Variants in PAX5 observed in about 807,000 individuals in gnomAD.
The protein encoded by PAX5 is paired box 5, also known as paired box protein Pax-5.
A neutral mutation model predicts 43.7 loss-of-function variants in PAX5; 9 were observed. The observed-to-expected ratio is 0.21, with a 90% CI of 0.12 to 0.36. The LOEUF (loss-of-function observed/expected upper bound fraction) is 0.36, where lower values mean the gene tolerates loss of function less well. PAX5 is among the 10% of genes least tolerant of loss of function. The pLI is 1.00. For missense variants in PAX5, 383 were observed against 532.7 expected, an observed-to-expected ratio of 0.72 and a Z score of 2.77; for synonymous variants, 228 against 214.3, an observed-to-expected ratio of 1.06 and a Z score of -0.56.
chr9:37,029,178 A>T (rs745309645), intron 1 of PAX5, among the ~76,000 whole-genome samples: 3 of 152,156 alleles, frequency 2.0e-5, no homozygotes, highest in Non-Finnish European at 2.9e-5. Flanking sequence ...GCTTGTAAGG[A>T]AGAGTACAGG....
intron 8 of PAX5, among the ~76,000 whole-genome samples, chr9:36,863,940 C>G (rs2131665517): frequency 6.6e-6 from 1 of 152,310 alleles, no homozygotes. Context: ...GAAACCCCGT[C>G]TCTACTAAAA....
chr9:37,018,780 A>T (rs368530655), intron 2 of PAX5, among the ~76,000 whole-genome samples: 2 of 152,186 alleles, frequency 1.3e-5, no homozygotes, highest in East Asian at 3.9e-4. Flanking sequence ...GCGGCGCGTA[A>T]CTTCCGAGTG....
intron 8 of PAX5, 145 bp downstream of exon 8, chr9:36,881,859 C>A: frequency 1.5e-6 from 1 of 681,188 alleles, no homozygotes; most frequent in Non-Finnish European, 2.6e-6. Flanking sequence ...GCAGGCCCAG[C>A]TGCAGAGAGT....
chr9:36,898,850 C>T (rs1828115095), intron 7 of PAX5, among the ~76,000 whole-genome samples: 1 of 152,092 alleles, frequency 6.6e-6, no homozygotes, highest in African/African-American at 2.4e-5. Flanking sequence ...CAGCCTCTCC[C>T]ACTAACACCC....
chr9:37,029,213 T>G (rs1840721118), intron 1 of PAX5, among the ~76,000 whole-genome samples: 2 of 152,204 alleles, frequency 1.3e-5, no homozygotes, highest in African/African-American at 4.8e-5. Context: ...ATTCCTGGGT[T>G]ATCCTCTTGT....
At chr9:37,021,339 C>T (rs1053674727) in intron 1 of PAX5, among the ~76,000 whole-genome samples, 1 of 152,080 alleles carries the variant, frequency 6.6e-6, no homozygotes, top group African/African-American at 2.4e-5. Context: ...TTTAACAGCA[C>T]CTGCAGAGTA....
intron 1 of PAX5, among the ~76,000 whole-genome samples, chr9:37,033,032 C>T (rs1175671451): frequency 1.3e-5 from 2 of 152,232 alleles, no homozygotes; most frequent in Admixed American, 6.5e-5. Context: ...CAAATACACA[C>T]GCCAGTGTCA....
chr9:37,020,158 G>T (rs899735231), intron 2 of PAX5, among the ~76,000 whole-genome samples: 2 of 151,572 alleles, frequency 1.3e-5, no homozygotes, highest in Admixed American at 6.6e-5. Context: ...CACTGCGATG[G>T]AAATAAAAAC....
intron 7 of PAX5, among the ~76,000 whole-genome samples, chr9:36,906,567 T>C (rs979616107): frequency 6.6e-6 from 1 of 152,182 alleles, no homozygotes; most frequent in Non-Finnish European, 1.5e-5. Context: ...CAATAATACA[T>C]TTGCATTGTT....
At chr9:36,992,996 G>A (rs902091946) in intron 5 of PAX5, among the ~76,000 whole-genome samples, 2 of 152,242 alleles carry the variant, frequency 1.3e-5, no homozygotes, top group African/African-American at 4.8e-5. Flanking sequence ...GTATACATGT[G>A]CCATAGTGGT....
At chr9:36,954,311 A>G (rs1833264719) in intron 6 of PAX5, among the ~76,000 whole-genome samples, 2 of 152,160 alleles carry the variant, frequency 1.3e-5, no homozygotes, top group Middle Eastern at 3.2e-3. Context: ...GTTCAGCTTT[A>G]CTTCTTATTG....
chr9:36,880,503 G>A (rs1298834334), intron 8 of PAX5, among the ~76,000 whole-genome samples: 1 of 152,256 alleles, frequency 6.6e-6, no homozygotes, highest in East Asian at 1.9e-4. Context: ...GGCTTCAGCA[G>A]GGCTAAAGTG....
chr9:36,867,978 C>T (rs1825063384), intron 8 of PAX5, among the ~76,000 whole-genome samples: 1 of 152,180 alleles, frequency 6.6e-6, no homozygotes, highest in African/African-American at 2.4e-5. Flanking sequence ...CCTGTCACCC[C>T]GCGTTCCCGG....
chr9:37,019,740 A>G (rs1233539597), intron 2 of PAX5, among the ~76,000 whole-genome samples: 2 of 152,204 alleles, frequency 1.3e-5, no homozygotes, highest in African/African-American at 4.8e-5. Flanking sequence ...TAAACCCAAG[A>G]AAGCTCCTGC....
At chr9:36,868,117 C>T (rs562964657) in intron 8 of PAX5, among the ~76,000 whole-genome samples, 12 of 152,152 alleles carry the variant, frequency 7.9e-5, no homozygotes, top group Non-Finnish European at 1.8e-4. Flanking sequence ...CAGAGGGTAA[C>T]AAGGGCCATT....
intron 6 of PAX5, among the ~76,000 whole-genome samples, chr9:36,927,003 A>G (rs1295690037): frequency 6.6e-6 from 1 of 152,182 alleles, no homozygotes; most frequent in African/African-American, 2.4e-5. Flanking sequence ...AAGACTGAGA[A>G]CAGCCGAAGT....
Position 36,950,711 on chromosome 9 carries a change from A to T in PAX5, c.780+15838T>A, listed in dbSNP as rs77900865. 6.3e-4 allele frequency among the ~76,000 whole-genome samples: 93 copies of T among 147,536 alleles called. 1 individual carries two copies. In the East Asian group the frequency reaches 0.018, roughly 28 times the overall value. ...AGGAGCCCTTTTGAGATCAGATCAC[A>T]TTCTTGCATATCCACTGAGTTTTCT... On this transcript the variant is annotated intron_variant, in intron 6 of 9. Transcript: ENST00000358127.
chr9:36,883,991 A>C (rs1346715952), intron 7 of PAX5, among the ~76,000 whole-genome samples: 1 of 150,026 alleles, frequency 6.7e-6, no homozygotes, highest in Non-Finnish European at 1.5e-5. Context: ...AAATAGAAAA[A>C]GTTTAAAAAA....
intron 7 of PAX5, among the ~76,000 whole-genome samples, chr9:36,890,160 T>C (rs551923896): frequency 4.0e-4 from 61 of 152,074 alleles, no homozygotes; most frequent in Admixed American, 2.1e-3. Context: ...TTGAATACCA[T>C]AGGGCACCAA....
Sources: allele counts gnomAD v4.1 joint callset (sites outside exome capture counted in the v4.1 genomes callset), GRCh38; gene constraint gnomAD v4.1.1; transcripts MANE v1.5; gene names NCBI Gene and HGNC (gene_info 2026-07-23, HGNC 2026-07-21).